Variants in EHBP1 observed in about 807,000 individuals in gnomAD.
EHBP1 encodes EH domain binding protein 1.
In EHBP1, 55 loss-of-function variants were observed where a neutral mutation model predicts 144.0. The ratio of observed to expected loss-of-function variants is 0.38; its 90% CI spans 0.31 to 0.48. The LOEUF is 0.48. Among genes scored for constraint, EHBP1 ranks in the 20% least tolerant of loss-of-function variants. The probability of loss-of-function intolerance (pLI) is 0.98; values close to 1 mark genes in which losing one functional copy is unlikely to be tolerated. For missense variants in EHBP1, 1,200 were observed against 1,364.2 expected (o/e 0.88, Z 1.90); for synonymous variants, 469 against 472.7 (o/e 0.99, Z 0.10).
intron 1 of EHBP1, among the ~76,000 whole-genome samples, chr2:62,699,913 A>G (rs2034224938): frequency 6.6e-6 from 1 of 152,208 alleles, no homozygotes; most frequent in Admixed American, 6.5e-5. Context: ...AACCAAGCCC[A>G]TGTTGGTCTT....
chr2:62,869,599 T>C (rs561133750), intron 9 of EHBP1, among the ~76,000 whole-genome samples: 3 of 152,134 alleles, frequency 2.0e-5, no homozygotes, highest in African/African-American at 7.2e-5. Flanking sequence ...AAAAAACAGA[T>C]CAGTAGTTGT....
At chr2:62,726,597 A>C (rs546144887) in intron 2 of EHBP1, 11 of 152,122 alleles carry the variant, frequency 7.2e-5, no homozygotes, top group Admixed American at 5.2e-4. Context: ...CTTACCCATT[A>C]GTGTTAGTAT....
chr2:62,804,556 TATAG>T (rs1197809255), intron 5 of EHBP1, among the ~76,000 whole-genome samples: 2 of 152,230 alleles, frequency 1.3e-5, no homozygotes, highest in South Asian at 2.1e-4. Flanking sequence ...CAAAGGAAAA[TATAG>T]ATAGATTTGT....
At chr2:62,933,107 A>C (rs1300072585) in intron 10 of EHBP1, among the ~76,000 whole-genome samples, 1 of 151,764 alleles carries the variant, frequency 6.6e-6, no homozygotes, top group African/African-American at 2.4e-5. Context: ...TAACACTGAG[A>C]AGTTTTTAAA....
At chr2:63,030,527 G>A (rs187061045) in intron 19 of EHBP1, among the ~76,000 whole-genome samples, 103 of 150,040 alleles carry the variant, frequency 6.9e-4, no homozygotes, top group African/African-American at 2.4e-3. Flanking sequence ...TCGCTCTATC[G>A]CCCAGGCTGG....
chr2:62,865,389 CCAAA>C lies in EHBP1; in HGVS notation c.998+421_998+424del, dbSNP rs1290310362. ...TTTGATAAGAAGACTTGTTTAGATA[CCAAA>C]CAGTGAAATAATAATATTTCTAAAT... On this transcript the variant is annotated intron_variant, in intron 9 of 22. Coordinates refer to ENST00000431489, the MANE Select transcript of EHBP1 (RefSeq NM_001142616.3). Among the ~76,000 whole-genome samples the C allele has an allele frequency of 4.6e-5, 7 of 152,118 alleles. No individual in the cohort carries two copies. The East Asian group carries it at 9.7e-4, about 21-fold the overall frequency.
chr2:62,693,831 C>A (rs978376930), intron 1 of EHBP1, among the ~76,000 whole-genome samples: 1 of 152,136 alleles, frequency 6.6e-6, no homozygotes, highest in Non-Finnish European at 1.5e-5. Flanking sequence ...CCAGAAAAAT[C>A]AACTTTTTAG....
At chr2:62,724,071 G>A (rs532789409) in intron 2 of EHBP1, among the ~76,000 whole-genome samples, 13 of 152,286 alleles carry the variant, frequency 8.5e-5, no homozygotes, top group South Asian at 2.1e-4. Flanking sequence ...TACGTTTTCC[G>A]AGTTGCTTAC....
upstream of EHBP1, among the ~76,000 whole-genome samples, chr2:62,701,703 A>G (rs895397592): frequency 6.6e-6 from 1 of 152,202 alleles, no homozygotes; most frequent in African/African-American, 2.4e-5. Flanking sequence ...AGAAACCATC[A>G]GTTAAAATTT....
At chr2:62,727,828 A>G (rs1202664923) in intron 2 of EHBP1, among the ~76,000 whole-genome samples, 1 of 152,186 alleles carries the variant, frequency 6.6e-6, no homozygotes, top group Admixed American at 6.5e-5. Context: ...ACATAGGGCC[A>G]AGTAGATATC....
chr2:62,677,840 G>T (rs2033362118), intron 1 of EHBP1, among the ~76,000 whole-genome samples: 1 of 152,142 alleles, frequency 6.6e-6, no homozygotes, highest in Non-Finnish European at 1.5e-5. Flanking sequence ...TGGCTGAATA[G>T]TACTCCACTG....
intron 2 of EHBP1, among the ~76,000 whole-genome samples, chr2:62,709,121 A>G (rs2034877929): frequency 6.6e-6 from 1 of 152,198 alleles, no homozygotes; most frequent in Admixed American, 6.5e-5. Context: ...GGAAGCAGCA[A>G]TATTAGGGTA....
chr2:63,030,496 C>CT (rs973949080), intron 19 of EHBP1, among the ~76,000 whole-genome samples: 12 of 149,460 alleles, frequency 8.0e-5, no homozygotes, highest in East Asian at 2.0e-4. Context: ...CATTTTTTTT[C>CT]TTTTTTTTTG....
chr2:62,920,621 T>C (rs2054993949), intron 10 of EHBP1, among the ~76,000 whole-genome samples: 1 of 152,098 alleles, frequency 6.6e-6, no homozygotes, highest in Non-Finnish European at 1.5e-5. Flanking sequence ...AAGAGATGAA[T>C]GCATTAATTT....
intron 10 of EHBP1, among the ~76,000 whole-genome samples, chr2:62,930,785 A>AT (rs974792905): frequency 6.6e-6 from 1 of 152,188 alleles, no homozygotes; most frequent in Non-Finnish European, 1.5e-5. Flanking sequence ...AGAAAAGACC[A>AT]TTTTTTCAAC....
At chr2:62,953,792 G>C (rs1163408985) in intron 13 of EHBP1, among the ~76,000 whole-genome samples, 1 of 151,676 alleles carries the variant, frequency 6.6e-6, no homozygotes, top group South Asian at 2.1e-4. Flanking sequence ...GTGTTTATGT[G>C]CTGTTAAACA....
chr2:62,731,932 TG>T (rs1403835747), intron 2 of EHBP1, among the ~76,000 whole-genome samples: 1 of 152,198 alleles, frequency 6.6e-6, no homozygotes, highest in Non-Finnish European at 1.5e-5. Context: ...AACTTTTGTT[TG>T]AGAAAGTCTG....
At chr2:62,841,254 A>G (rs1345159714) in intron 7 of EHBP1, among the ~76,000 whole-genome samples, 20 of 148,984 alleles carry the variant, frequency 1.3e-4, no homozygotes. Flanking sequence ...AAAACCAAAC[A>G]CCGCATATTC....
chr2:62,803,970 T>C (rs898284795), intron 5 of EHBP1, among the ~76,000 whole-genome samples: 2 of 152,208 alleles, frequency 1.3e-5, no homozygotes, highest in Admixed American at 1.3e-4. Flanking sequence ...TACTATCTAC[T>C]TCCTAGGATT....
Sources: allele counts gnomAD v4.1 joint callset (sites outside exome capture counted in the v4.1 genomes callset), GRCh38; gene constraint gnomAD v4.1.1; transcripts MANE v1.5; gene names NCBI Gene and HGNC (gene_info 2026-07-23, HGNC 2026-07-21).